Variants in MAPK9 observed in about 807,000 individuals in gnomAD.
MAPK9 encodes Jun kinase.
MAPK9 carries 30 observed loss-of-function variants against 57.1 expected under a neutral mutation model. That is an observed-to-expected ratio of 0.53 (90% CI 0.39 to 0.71). The LOEUF (loss-of-function observed/expected upper bound fraction) is 0.71, where lower values mean the gene tolerates loss of function less well. MAPK9 is among the 30% of genes least tolerant of loss of function. The pLI is 0.00. For synonymous variants in MAPK9, 155 were observed against 177.0 expected, an observed-to-expected ratio of 0.88 and a Z score of 0.99; for missense variants, 362 against 521.0, an observed-to-expected ratio of 0.69 and a Z score of 2.97.
Position 180,247,172 on chromosome 5 carries a change from A to G in MAPK9, c.688+267T>C, listed in dbSNP as rs1758193215. ...AATAATTTCTTCTATGTGTCCAGCT[A>G]TTTTTGGCAAAATTAAGAGCTAATA... On this transcript the variant is annotated intron_variant, in intron 7 of 11. Coordinates refer to ENST00000452135, the MANE Select transcript of MAPK9 (RefSeq NM_002752.5). The surrounding 1 kb of genome is among the most constrained non-coding windows in gnomAD (Gnocchi z 4.5). 2.0e-6 allele frequency: 1 copy of G among 512,078 alleles called. No homozygotes were observed. The highest frequency in any genetic ancestry group is 3.4e-6 in the Non-Finnish European group (1 of 291,726). 31.7% of individuals were successfully genotyped at this position (512,078 alleles called of 1,614,324 possible).
At chr5:180,248,166 C>A (rs567503083) in intron 6 of MAPK9, among the ~76,000 whole-genome samples, 24 of 152,366 alleles carry the variant, frequency 1.6e-4, no homozygotes, top group Non-Finnish European at 3.2e-4. Context: ...GCTAGAGGGG[C>A]CCAGACTTCC....
chr5:180,286,433 C>A (rs181118929), intron 1 of MAPK9, among the ~76,000 whole-genome samples: 1 of 151,580 alleles, frequency 6.6e-6, no homozygotes, highest in Non-Finnish European at 1.5e-5. Context: ...CGTGAGCCAC[C>A]GCGCCTGGCC....
chr5:180,234,529 G>GTCCAC lies in MAPK9; in HGVS notation c.*1854_*1855insGTGGA, dbSNP rs1757049302. On this transcript the variant is annotated 3_prime_UTR_variant, in exon 12 of 12. Transcript: ENST00000452135. Reference sequence around the variant, plus strand: ...GCCTCGTCCCCCGTCCACGTCTCCCGGGGAGGGAGCATCACACAGTGCAGG... The same window carrying GTCCAC: ...GCCTCGTCCCCCGTCCACGTCTCCCGTCCACGGGAGGGAGCATCACACAGTGCAGG... The GTCCAC allele has an allele frequency of 6.6e-6, 1 of 152,240 alleles. No homozygotes were observed. The highest frequency in any genetic ancestry group is 1.5e-5 in the Non-Finnish European group (1 of 68,056). 9.4% of individuals were successfully genotyped at this position (152,240 alleles called of 1,614,324 possible). A position where few individuals can be genotyped will look rare whatever the true frequency, so the allele number is the denominator to read the frequency against.
intron 2 of MAPK9, among the ~76,000 whole-genome samples, chr5:180,273,013 C>T (rs1761485983): frequency 6.6e-6 from 1 of 152,216 alleles, no homozygotes; most frequent in Admixed American, 6.5e-5. Flanking sequence ...CATCTGAGAG[C>T]TGCCTCTGGG....
intron 10 of MAPK9, among the ~76,000 whole-genome samples, chr5:180,239,458 C>G (rs1378156558): frequency 6.6e-6 from 1 of 152,194 alleles, no homozygotes; most frequent in Admixed American, 6.5e-5. Context: ...GATCCTGCTT[C>G]TTAATGAAAA....
intron 3 of MAPK9, among the ~76,000 whole-genome samples, chr5:180,268,886 T>C (rs1370812731): frequency 2.6e-5 from 4 of 151,850 alleles, no homozygotes; most frequent in Non-Finnish European, 5.9e-5. Flanking sequence ...ACGCCTGTAA[T>C]CCCAGCACTT....
chr5:180,245,114 G>A (rs1757981383), intron 7 of MAPK9, among the ~76,000 whole-genome samples: 1 of 152,136 alleles, frequency 6.6e-6, no homozygotes, highest in Non-Finnish European at 1.5e-5. Context: ...GCAAGTGCTC[G>A]CTACCAGTCC....
chr5:180,253,963 CTTTTTTTTTTT>C (rs5873681), intron 5 of MAPK9, among the ~76,000 whole-genome samples: 2 of 109,360 alleles, frequency 1.8e-5, no homozygotes, highest in African/African-American at 3.5e-5. Flanking sequence ...GCTTCAATCT[CTTTTTTTTTTT>C]TTTTTTTTTG....
At chr5:180,267,234 A>AT (rs1278813046) in intron 3 of MAPK9, among the ~76,000 whole-genome samples, 1 of 152,170 alleles carries the variant, frequency 6.6e-6, no homozygotes, top group Non-Finnish European at 1.5e-5. Context: ...AATAATATAT[A>AT]TTTTTTGTAA....
rs1757073477 is a variant in MAPK9, at chr5:180,234,890, C to T, written c.*1494G>A. The T allele has an allele frequency of 6.6e-6, 1 of 152,108 alleles. No homozygotes were observed. The highest frequency in any genetic ancestry group is 2.4e-5 in the African/African-American group (1 of 41,416). The allele number at this position is 152,108 out of a possible 1,614,324, so 9.4% of individuals were successfully genotyped here. On this transcript the variant is annotated 3_prime_UTR_variant, in exon 12 of 12. Transcript: ENST00000452135. ...TAATATTTATAATAAACTTTCTTAT[C>T]ACAGTTCCTCCTCAGAACACACTCT...
chr5:180,271,797 A>C (rs1186085114), intron 2 of MAPK9, among the ~76,000 whole-genome samples: 1 of 152,198 alleles, frequency 6.6e-6, no homozygotes, highest in African/African-American at 2.4e-5. Flanking sequence ...ATCAAGGACA[A>C]AGGATTCTCT....
In MAPK9 at chr5:180,236,114, G is replaced by C; in HGVS notation, c.*270C>G. The C allele has an allele frequency of 7.3e-6, 2 of 274,578 alleles. No individual in the cohort carries two copies. The highest frequency in any genetic ancestry group is 1.4e-5 in the Non-Finnish European group (2 of 146,184). 17.0% of individuals were successfully genotyped at this position (274,578 alleles called of 1,614,324 possible). On this transcript the variant is annotated 3_prime_UTR_variant, in exon 12 of 12. Transcript: ENST00000452135. ...TGAGAAACTGTCACTAGTACAATTT[G>C]AAACAAATTCACCTACTCTAACTGC...
At chr5:180,280,712 A>C in intron 1 of MAPK9, 104 bp from the exon 2 acceptor site, 1 of 860,756 alleles carries the variant, frequency 1.2e-6, no homozygotes, top group Non-Finnish European at 1.6e-6. Context: ...TGTGGCTGTA[A>C]GTTGATAAAG....
rs747238918 is a variant in MAPK9 at position 180,247,866 on chromosome 5, G to A, written c.617-356C>T. ...CCTGTGAAGGATACAGTCTCTTCCCGGGAACAGGACTTTATGGAGGACCAT... is the reference window on the plus strand; with the variant it reads ...CCTGTGAAGGATACAGTCTCTTCCCAGGAACAGGACTTTATGGAGGACCAT... On this transcript the variant is annotated intron_variant, in intron 6 of 11. Transcript: ENST00000452135. This position sits in a 1 kb window ranked among gnomAD's most constrained non-coding sequence, Gnocchi z 4.5. The A allele has an allele frequency of 1.1e-5, 17 of 1,613,924 alleles. No individual in the cohort carries two copies. The highest frequency in any genetic ancestry group is 8.3e-5 in the Admixed American group (5 of 59,990).
chr5:180,278,247 G>T (rs1026445715), intron 2 of MAPK9, among the ~76,000 whole-genome samples: 2 of 152,202 alleles, frequency 1.3e-5, no homozygotes, highest in Non-Finnish European at 2.9e-5. Flanking sequence ...CCCGTGAGAC[G>T]GGAGAAGCAA....
chr5:180,269,440 T>C, intron 2 of MAPK9, 31 bp from the exon 3 acceptor site: 1 of 1,599,006 alleles, frequency 6.3e-7, no homozygotes, highest in Non-Finnish European at 8.6e-7. Context: ...GCACAATCCA[T>C]TAGAACGGTT....
At chr5:180,270,998 T>C (rs1299463057) in intron 2 of MAPK9, among the ~76,000 whole-genome samples, 1 of 152,164 alleles carries the variant, frequency 6.6e-6, no homozygotes, top group African/African-American at 2.4e-5. Context: ...ATATGGTGAC[T>C]GCAGTTAATA....
In MAPK9 at chr5:180,242,556, A is replaced by T; in HGVS notation, c.871+17T>A. The T allele has an allele frequency of 6.3e-7, 1 of 1,595,888 alleles. No individual in the cohort carries two copies. Among genetic ancestry groups the T allele is most frequent in the East Asian group, 2.2e-5 (1 of 44,686 alleles). ...TGAATTACAAAACACAAGTATAAGA[A>T]AAAAAGGATATCTTACTTTTTATTT... On this transcript the variant is annotated intron_variant, in intron 8 of 11. Transcript: ENST00000452135.
At chr5:180,237,032 T>A (rs1173203301) in intron 11 of MAPK9, 1 of 152,230 alleles carries the variant, frequency 6.6e-6, no homozygotes, top group South Asian at 2.1e-4. Context: ...AGGAAAAAAA[T>A]TAGTGGCCTT....
Sources: gnomAD v4.1 joint callset for allele counts (sites outside exome capture counted in the v4.1 genomes callset) on GRCh38, gnomAD v4.1.1 for gene constraint, Gnocchi (gnomAD v3.1) non-coding constraint, MANE v1.5 for transcripts, NCBI Gene and HGNC (gene_info 2026-07-23, HGNC 2026-07-21) for gene names.